LHFPL2: variants seen among roughly 807,000 people sequenced by gnomAD.
LHFPL2 encodes the protein LHFPL tetraspan subfamily member 2.
A neutral mutation model predicts 17.5 loss-of-function variants in LHFPL2; 7 were observed. The ratio of observed to expected loss-of-function variants is 0.40; its 90% CI spans 0.23 to 0.75. The LOEUF is 0.75. Ranked by LOEUF, LHFPL2 falls within the 30% of genes least tolerant of loss-of-function variation. The probability of loss-of-function intolerance (pLI) is 0.37; values close to 1 mark genes in which losing one functional copy is unlikely to be tolerated. For synonymous variants in LHFPL2, 134 were observed against 116.2 expected (o/e 1.15, Z -0.99); for missense variants, 241 against 294.8 (o/e 0.82, Z 1.34).
chr5:78,550,397 T>C (rs535536050), intron 3 of LHFPL2, among the ~76,000 whole-genome samples: 2 of 152,176 alleles, frequency 1.3e-5, no homozygotes, highest in East Asian at 3.9e-4. Context: ...AAGAGAGCTC[T>C]CACAAGACCA....
chr5:78,561,296 G>A (rs909138507), intron 3 of LHFPL2, among the ~76,000 whole-genome samples: 9 of 152,234 alleles, frequency 5.9e-5, no homozygotes, highest in African/African-American at 2.2e-4. Flanking sequence ...GAAAACTTCA[G>A]TACCTCAGTC....
At chr5:78,638,751 G>A (rs1745556727) in intron 1 of LHFPL2, among the ~76,000 whole-genome samples, 1 of 152,134 alleles carries the variant, frequency 6.6e-6, no homozygotes, top group African/African-American at 2.4e-5. Context: ...CTGACGGGCT[G>A]CATGTATCAA....
chr5:78,583,458 G>A (rs1037194017), intron 2 of LHFPL2, among the ~76,000 whole-genome samples: 2 of 149,542 alleles, frequency 1.3e-5, no homozygotes, highest in East Asian at 2.0e-4. Flanking sequence ...TCCTTCAGGA[G>A]CTCTTTTAGG....
intron 2 of LHFPL2, among the ~76,000 whole-genome samples, chr5:78,631,781 C>A (rs1336785867): frequency 6.6e-6 from 1 of 151,920 alleles, no homozygotes; most frequent in Non-Finnish European, 1.5e-5. Context: ...ACTAAAGATA[C>A]AAAAATTAGC....
At chr5:78,598,612 T>TA (rs1432592175) in intron 2 of LHFPL2, among the ~76,000 whole-genome samples, 1 of 152,196 alleles carries the variant, frequency 6.6e-6, no homozygotes. Context: ...ACTAGACACT[T>TA]AGAGGACCAA....
chr5:78,499,894 C>A (rs774371385), intron 4 of LHFPL2, among the ~76,000 whole-genome samples: 9 of 152,152 alleles, frequency 5.9e-5, no homozygotes, highest in Non-Finnish European at 1.0e-4. Context: ...GTCCGACCAA[C>A]TTCTAGAAAG....
chr5:78,633,448 A>C (rs1237984263), intron 1 of LHFPL2, among the ~76,000 whole-genome samples: 1 of 152,224 alleles, frequency 6.6e-6, no homozygotes, highest in African/African-American at 2.4e-5. Flanking sequence ...AGAAACACAA[A>C]GTCTCCACCA....
chr5:78,541,679 G>A (rs1335170066), intron 3 of LHFPL2, among the ~76,000 whole-genome samples: 7 of 152,136 alleles, frequency 4.6e-5, no homozygotes, highest in Admixed American at 3.3e-4. Context: ...CAGCCTTCCG[G>A]TGACTGGGGA....
At chr5:78,637,932 C>T (rs1745513833) in intron 1 of LHFPL2, among the ~76,000 whole-genome samples, 1 of 152,250 alleles carries the variant, frequency 6.6e-6, no homozygotes, top group Non-Finnish European at 1.5e-5. Context: ...ACCAGCCTCT[C>T]AGAGGCCTTC....
chr5:78,598,220 T>G (rs1743892895), intron 2 of LHFPL2, among the ~76,000 whole-genome samples: 1 of 152,186 alleles, frequency 6.6e-6, no homozygotes, highest in South Asian at 2.1e-4. Flanking sequence ...CTAGTTCAAG[T>G]TAATTCACAA....
At chr5:78,537,382 T>C (rs116007124) in intron 3 of LHFPL2, among the ~76,000 whole-genome samples, 2,541 of 152,146 alleles carry the variant, frequency 0.017, 77 homozygotes, top group African/African-American at 0.058. Context: ...AAATGGTTAT[T>C]CGTGGGAAAA....
At chr5:78,519,019 G>T (rs1966577) in intron 3 of LHFPL2, among the ~76,000 whole-genome samples, 1 of 150,134 alleles carries the variant, frequency 6.7e-6, no homozygotes, top group Non-Finnish European at 1.5e-5. Flanking sequence ...ACCTGTATGG[G>T]CTGCTAAGCA....
chr5:78,555,456 C>G (rs879751351), intron 3 of LHFPL2, among the ~76,000 whole-genome samples: 19 of 152,140 alleles, frequency 1.2e-4, no homozygotes, highest in Admixed American at 1.0e-3. Flanking sequence ...GGAAGTGAAG[C>G]CTGGACTAAG....
At chr5:78,532,942 C>T (rs1265206171) in intron 3 of LHFPL2, among the ~76,000 whole-genome samples, 1 of 152,244 alleles carries the variant, frequency 6.6e-6, no homozygotes, top group African/African-American at 2.4e-5. Context: ...CAAAGGGACA[C>T]ACCGAGTGAG....
intron 2 of LHFPL2, among the ~76,000 whole-genome samples, chr5:78,629,043 T>C (rs1330244236): frequency 2.0e-5 from 3 of 152,298 alleles, no homozygotes; most frequent in African/African-American, 2.4e-5. Flanking sequence ...AAAGGAATCA[T>C]AGAACGCAGA....
At chr5:78,506,337 G>T (rs1292661198) in intron 4 of LHFPL2, among the ~76,000 whole-genome samples, 1 of 152,192 alleles carries the variant, frequency 6.6e-6, no homozygotes, top group East Asian at 1.9e-4. Context: ...TTGCCAAAAT[G>T]TAAGTTGTAA....
intron 3 of LHFPL2, among the ~76,000 whole-genome samples, chr5:78,513,748 TTC>T (rs746937743): frequency 1.2e-3 from 179 of 152,332 alleles, no homozygotes; most frequent in Non-Finnish European, 1.9e-3. Context: ...TTAGTTCTCA[TTC>T]TCTCTTGTCT....
At chr5:78,586,938 T>A (rs1014310707) in intron 2 of LHFPL2, among the ~76,000 whole-genome samples, 1 of 152,222 alleles carries the variant, frequency 6.6e-6, no homozygotes, top group Admixed American at 6.5e-5. Context: ...TGAATACTTA[T>A]TGGATTTTTA....
chr5:78,492,562 T>G (rs1026004395), intron 4 of LHFPL2, among the ~76,000 whole-genome samples: 4 of 152,252 alleles, frequency 2.6e-5, no homozygotes, highest in Non-Finnish European at 5.9e-5. Context: ...GAGCATTAAT[T>G]GCCCTGAGGC....
Sources: gnomAD v4.1 joint callset for allele counts (sites outside exome capture counted in the v4.1 genomes callset) on GRCh38, gnomAD v4.1.1 for gene constraint, MANE v1.5 for transcripts, NCBI Gene and HGNC (gene_info 2026-07-23, HGNC 2026-07-21) for gene names.